Variants in GATC observed in about 807,000 individuals in gnomAD.
The protein encoded by GATC is glutamyl-tRNA amidotransferase subunit C, also known as glutamyl-tRNA(Gln) amidotransferase subunit C, mitochondrial.
A neutral mutation model predicts 14.4 loss-of-function variants in GATC; 11 were observed. The ratio of observed to expected loss-of-function variants is 0.77; its 90% CI spans 0.48 to 1.27. GATC has a LOEUF of 1.27. GATC is among the 50% of genes most tolerant of loss of function. The pLI is 0.00. For missense variants in GATC, 204 were observed against 183.0 expected (o/e 1.11, Z -0.66); for synonymous variants, 76 against 79.3 (o/e 0.96, Z 0.22).
intron 3 of GATC, 49 bp downstream of exon 3, chr12:120,457,228 G>C: frequency 7.4e-7 from 1 of 1,350,502 alleles, no homozygotes; most frequent in Non-Finnish European, 1.1e-6. Context: ...AGTAACCTTA[G>C]GAATGAAGCA....
rs147871009 is a variant in GATC at position 120,460,273 on chromosome 12, T to C, written c.*314T>C. 4.8e-6 allele frequency: 1 copy of C among 208,114 alleles called. No individual in the cohort carries two copies. The highest frequency in any genetic ancestry group is 2.3e-5 in the African/African-American group (1 of 42,794). 12.9% of individuals were successfully genotyped at this position (208,114 alleles called of 1,614,324 possible). ...ACTCCCCCCAAAGGACCATACCAAC[T>C]GCATGAAAGTGAACTTTTCTATCTA... is the stretch of plus-strand genomic sequence containing the variant. On this transcript the variant is annotated 3_prime_UTR_variant, in exon 4 of 4. Coordinates refer to ENST00000551765, the MANE Select transcript of GATC (RefSeq NM_176818.3).
At chr12:120,459,683 C>T (rs906683101) in intron 3 of GATC, among the ~76,000 whole-genome samples, 3 of 152,112 alleles carry the variant, frequency 2.0e-5, no homozygotes, top group East Asian at 1.9e-4. Context: ...GGTGAAACCC[C>T]GTCTCTATTA....
rs1878316102 is a variant in GATC at position 120,460,832 on chromosome 12, C to A, written c.*873C>A. The A allele has an allele frequency of 6.6e-6, 1 of 152,006 alleles. No homozygotes were observed. The highest frequency in any genetic ancestry group is 1.5e-5 in the Non-Finnish European group (1 of 68,028). The allele number at this position is 152,006 out of a possible 1,614,324, so 9.4% of individuals were successfully genotyped here. A position where few individuals can be genotyped will look rare whatever the true frequency, so the allele number is the denominator to read the frequency against. ...CATCCTGGCTAATGCGGTGAAACCT[C>A]ATCTCTACTAAAAATACAAAAAATT... is the stretch of plus-strand genomic sequence containing the variant. On this transcript the variant is annotated 3_prime_UTR_variant, in exon 4 of 4. Transcript: ENST00000551765.
At chr12:120,456,815 G>C (rs745568544) in intron 2 of GATC, among the ~76,000 whole-genome samples, 29 of 152,180 alleles carry the variant, frequency 1.9e-4, no homozygotes, top group Non-Finnish European at 3.7e-4. Flanking sequence ...CCAAAAGACA[G>C]TTGCCCATAT....
intron 2 of GATC, among the ~76,000 whole-genome samples, chr12:120,447,207 C>G (rs1032144282): frequency 6.6e-6 from 1 of 151,958 alleles, no homozygotes; most frequent in African/African-American, 2.4e-5. Context: ...TCCCGAGTAG[C>G]TGGGATTACA....
rs1420968179 is a variant in GATC at position 120,461,054 on chromosome 12, A to T, written c.*1095A>T. Reference sequence around the variant, plus strand: ...AGTTTTTCCTCTAACCAAACTGCCAAAGTTGGTTTTGGCTAAGAATTTCCC... The same window carrying T: ...AGTTTTTCCTCTAACCAAACTGCCATAGTTGGTTTTGGCTAAGAATTTCCC... On this transcript the variant is annotated 3_prime_UTR_variant, in exon 4 of 4. Transcript: ENST00000551765. The T allele has an allele frequency of 1.3e-5, 2 of 151,400 alleles. No individual in the cohort carries two copies. The highest frequency in any genetic ancestry group is 4.2e-4 in the South Asian group (2 of 4,782). The allele number at this position is 151,400 out of a possible 1,614,324, so 9.4% of individuals were successfully genotyped here.
exon 4 of GATC, chr12:120,463,748 AACGT>A (rs555710364): frequency 3.0e-4 from 163 of 545,002 alleles, no homozygotes; most frequent in African/African-American, 2.8e-3. Flanking sequence ...TTAAAAAACA[AACGT>A]ACCATGAATG....
chr12:120,456,261 T>C (rs1878182107), intron 2 of GATC, among the ~76,000 whole-genome samples: 1 of 152,186 alleles, frequency 6.6e-6, no homozygotes, highest in Non-Finnish European at 1.5e-5. Context: ...TTTTACCGGT[T>C]TGCCATCTGA....
intron 2 of GATC, chr12:120,454,892 G>A: frequency 8.1e-6 from 2 of 246,376 alleles, no homozygotes; most frequent in East Asian, 1.1e-4. Context: ...ACTCTCTTTT[G>A]TGTGTGTGTG....
chr12:120,447,221 G>T (rs1196633514), intron 2 of GATC, among the ~76,000 whole-genome samples: 1 of 151,854 alleles, frequency 6.6e-6, no homozygotes, highest in Non-Finnish European at 1.5e-5. Context: ...GATTACAGGC[G>T]ACTGCCACCA....
rs112862349 is a variant in GATC at position 120,462,316 on chromosome 12, T to C, written c.*2357T>C. 31 of 705,140 alleles carry C rather than the reference T, an allele frequency of 4.4e-5. 1 individual carries two copies. The highest frequency in any genetic ancestry group is 3.7e-4 in the African/African-American group (20 of 54,702). 43.7% of individuals were successfully genotyped at this position (705,140 alleles called of 1,614,324 possible). A position where few individuals can be genotyped will look rare whatever the true frequency, so the allele number is the denominator to read the frequency against. The stretch of plus-strand genomic sequence containing the variant: ...GCTATCTCATTAAACCTTCATAACA[T>C]TATGAGGTAGGTACTCTTACTATCC... On this transcript the variant is annotated 3_prime_UTR_variant, in exon 4 of 4. Coordinates refer to ENST00000551765, the MANE Select transcript of GATC (RefSeq NM_176818.3).
At chr12:120,454,751 T>TAA (rs1487110091) in intron 2 of GATC, among the ~76,000 whole-genome samples, 3 of 151,604 alleles carry the variant, frequency 2.0e-5, no homozygotes, top group Non-Finnish European at 4.4e-5. Context: ...ACAGAAACTA[T>TAA]AAACTCCAGA....
chr12:120,458,087 A>C (rs1415153680), intron 3 of GATC, among the ~76,000 whole-genome samples: 2 of 148,984 alleles, frequency 1.3e-5, no homozygotes, highest in Non-Finnish European at 3.0e-5. Flanking sequence ...ATTTTGTGTG[A>C]TATTTCTTAA....
At chr12:120,453,925 G>A (rs1157495146) in intron 2 of GATC, among the ~76,000 whole-genome samples, 1 of 152,014 alleles carries the variant, frequency 6.6e-6, no homozygotes, top group Non-Finnish European at 1.5e-5. Flanking sequence ...AAATAGAAAT[G>A]TATGTATGTA....
At chr12:120,451,881 T>TTTTTTTC (rs1297254568) in intron 2 of GATC, among the ~76,000 whole-genome samples, 1 of 126,796 alleles carries the variant, frequency 7.9e-6, no homozygotes, top group East Asian at 2.4e-4. Flanking sequence ...AATTCTTTTT[T>TTTTTTTC]TTTTTTTTTT....
rs185444465 is a variant in GATC, at chr12:120,460,255, C to A, written c.*296C>A. 7 of 252,014 alleles carry A rather than the reference C, an allele frequency of 2.8e-5. No homozygotes were observed. Among genetic ancestry groups the A allele is most frequent in the African/African-American group, 4.6e-5 (2 of 43,840 alleles). The allele number at this position is 252,014 out of a possible 1,614,324, so 15.6% of individuals were successfully genotyped here. On this transcript the variant is annotated 3_prime_UTR_variant, in exon 4 of 4. Transcript: ENST00000551765. ...ATTATTTATCTGCCTTTAACTCCCC[C>A]CAAAGGACCATACCAACTGCATGAA...
At position 120,460,251 on chromosome 12, in the gene GATC, C is replaced by T. The variant is rs930957985; in HGVS notation, c.*292C>T. The T allele has an allele frequency of 7.7e-6, 2 of 258,826 alleles. No individual in the cohort carries two copies. Among genetic ancestry groups the T allele is most frequent in the African/African-American group, 2.3e-5 (1 of 44,008 alleles). The allele number at this position is 258,826 out of a possible 1,614,324, so 16.0% of individuals were successfully genotyped here. A position where few individuals can be genotyped will look rare whatever the true frequency, so the allele number is the denominator to read the frequency against. ...AGACATTATTTATCTGCCTTTAACT[C>T]CCCCCAAAGGACCATACCAACTGCA... On this transcript the variant is annotated 3_prime_UTR_variant, in exon 4 of 4. Coordinates refer to ENST00000551765, the MANE Select transcript of GATC (RefSeq NM_176818.3).
chr12:120,447,719 T>G (rs1447582077), intron 2 of GATC, among the ~76,000 whole-genome samples: 1 of 152,166 alleles, frequency 6.6e-6, no homozygotes, highest in Non-Finnish European at 1.5e-5. Flanking sequence ...AAATGTGAGC[T>G]CATTATGTAG....
intron 3 of GATC, among the ~76,000 whole-genome samples, chr12:120,457,799 G>C (rs1404053522): frequency 6.6e-6 from 1 of 151,918 alleles, no homozygotes; most frequent in Non-Finnish European, 1.5e-5. Flanking sequence ...TAGAGACAGG[G>C]TTTCACTGTG....
Sources: gnomAD v4.1 joint callset for allele counts (sites outside exome capture counted in the v4.1 genomes callset) on GRCh38, gnomAD v4.1.1 for gene constraint, MANE v1.5 for transcripts, NCBI Gene and HGNC (gene_info 2026-07-23, HGNC 2026-07-21) for gene names.